SPTLC3: variants seen among roughly 807,000 people sequenced by gnomAD.
The protein encoded by SPTLC3 is serine palmitoyltransferase long chain base subunit 3, also known as serine palmitoyltransferase 3.
SPTLC3 carries 36 observed loss-of-function variants against 59.3 expected under a neutral mutation model. That is an observed-to-expected ratio of 0.61 (90% CI 0.47 to 0.80). The LOEUF (loss-of-function observed/expected upper bound fraction) is 0.80, where lower values mean the gene tolerates loss of function less well. Among genes scored for constraint, SPTLC3 ranks in the 30% least tolerant of loss-of-function variants. The pLI, the probability that SPTLC3 is intolerant of heterozygous loss-of-function variation, is 0.00. For missense variants in SPTLC3, 625 were observed against 685.1 expected (o/e 0.91, Z 0.98); for synonymous variants, 257 against 240.8 (o/e 1.07, Z -0.62).
chr20:13,090,991 C>T, intron 4 of SPTLC3, 92 bp from the exon 5 acceptor site: 2 of 1,532,402 alleles, frequency 1.3e-6, no homozygotes, highest in Non-Finnish European at 1.8e-6. Context: ...TTGTATAGGT[C>T]TTTTGGTGAT....
intron 4 of SPTLC3, among the ~76,000 whole-genome samples, chr20:13,089,111 A>G (rs1989113648): frequency 6.6e-6 from 1 of 152,242 alleles, no homozygotes. Context: ...ATTTTAGCAC[A>G]GTAAGAAAAT....
intron 2 of SPTLC3, among the ~76,000 whole-genome samples, chr20:13,066,143 CGTAA>C (rs1292095821): frequency 1.4e-4 from 21 of 152,344 alleles, no homozygotes; most frequent in African/African-American, 5.0e-4. Flanking sequence ...AGATTTCACA[CGTAA>C]GTGAGATCAT....
At chr20:13,048,789 A>G (rs3789353) in intron 1 of SPTLC3, among the ~76,000 whole-genome samples, 156 bp from the exon 2 acceptor site, 94,034 of 152,032 alleles carry the variant, frequency 0.62, 29,518 homozygotes, top group Admixed American at 0.67. Flanking sequence ...TAAAGTTTGC[A>G]TTTTTGATTA....
Position 13,110,164 on chromosome 20 carries a change from T to C in SPTLC3, c.879T>C (p.Pro293=). 6.2e-7 allele frequency: 1 copy of C among 1,613,662 alleles called. No homozygotes were observed. Among genetic ancestry groups the C allele is most frequent in the Non-Finnish European group, 8.5e-7 (1 of 1,179,756 alleles). Residue 293 remains proline, a synonymous_variant, in exon 7 of 12, where the codon CCT becomes CCC. Transcript: ENST00000399002. The stretch of plus-strand genomic sequence containing the variant: ...GAGATGCTGTCATCTATGGCCAGCC[T>C]CGAACCCGCAGAGCTTGGAAAAAGA... ...LLRDAVIYGQ[P]RTRRAWKKIL...
intron 2 of SPTLC3, among the ~76,000 whole-genome samples, chr20:13,054,438 G>A (rs568945578): frequency 1.3e-5 from 2 of 152,144 alleles, no homozygotes; most frequent in Non-Finnish European, 2.9e-5. Context: ...AGAGGTTGAT[G>A]CAGATATACA....
intron 9 of SPTLC3, among the ~76,000 whole-genome samples, chr20:13,129,204 G>A (rs12480507): frequency 0.24 from 37,044 of 151,944 alleles, 4,737 homozygotes; most frequent in South Asian, 0.43. Flanking sequence ...GTTTCACCAC[G>A]TTGGCCATGC....
intron 4 of SPTLC3, among the ~76,000 whole-genome samples, chr20:13,084,725 TAAG>T (rs1405179209): frequency 6.6e-6 from 1 of 152,132 alleles, no homozygotes; most frequent in Non-Finnish European, 1.5e-5. Flanking sequence ...ATTAGTAAAA[TAAG>T]GATACAGTTG....
intron 1 of SPTLC3, among the ~76,000 whole-genome samples, chr20:13,030,088 G>A (rs574816847): frequency 6.6e-6 from 1 of 152,272 alleles, no homozygotes; most frequent in African/African-American, 2.4e-5. Context: ...TTCAGTCCAC[G>A]GAGCTCAGCC....
intron 1 of SPTLC3, among the ~76,000 whole-genome samples, chr20:13,011,576 C>T (rs1343772967): frequency 6.6e-6 from 1 of 152,128 alleles, no homozygotes; most frequent in Non-Finnish European, 1.5e-5. Context: ...CTCATGAGTC[C>T]TCCTTCCCCC....
intron 9 of SPTLC3, among the ~76,000 whole-genome samples, chr20:13,130,248 C>G (rs1235963485): frequency 3.3e-5 from 5 of 152,200 alleles, no homozygotes; most frequent in Admixed American, 2.0e-4. Context: ...TAGACTCACT[C>G]TCAGGGTAAA....
chr20:13,051,467 C>A (rs4504059), intron 2 of SPTLC3, among the ~76,000 whole-genome samples: 2 of 152,250 alleles, frequency 1.3e-5, no homozygotes, highest in East Asian at 3.8e-4. Context: ...AGAAATGAGA[C>A]AGACAGCAAC....
chr20:13,128,921 A>C (rs1054626990), intron 9 of SPTLC3, among the ~76,000 whole-genome samples: 1 of 148,506 alleles, frequency 6.7e-6, no homozygotes, highest in Non-Finnish European at 1.5e-5. Flanking sequence ...TTGTCACCCA[A>C]GCTGGAGTAC....
chr20:13,024,101 C>T (rs1000408952), intron 1 of SPTLC3, among the ~76,000 whole-genome samples: 2 of 152,170 alleles, frequency 1.3e-5, no homozygotes, highest in Non-Finnish European at 2.9e-5. Flanking sequence ...AAACCAACTC[C>T]GTTGACCCTC....
chr20:13,115,743 C>A (rs899561837), intron 7 of SPTLC3, among the ~76,000 whole-genome samples: 3 of 152,112 alleles, frequency 2.0e-5, no homozygotes, highest in Non-Finnish European at 2.9e-5. Context: ...CTAAGCTCCT[C>A]CTCCTGAGGG....
At chr20:13,111,059 T>C (rs1044122741) in intron 7 of SPTLC3, among the ~76,000 whole-genome samples, 1 of 152,114 alleles carries the variant, frequency 6.6e-6, no homozygotes, top group Non-Finnish European at 1.5e-5. Flanking sequence ...TGTGCCTTTA[T>C]TCCTTTTAAG....
chr20:13,153,798 C>T (rs951438531), intron 9 of SPTLC3, among the ~76,000 whole-genome samples: 47 of 152,192 alleles, frequency 3.1e-4, no homozygotes, highest in Admixed American at 2.7e-3. Context: ...CCCTCCACCT[C>T]CCTTCCTGCC....
intron 2 of SPTLC3, among the ~76,000 whole-genome samples, chr20:13,063,622 T>A (rs1419299203): frequency 4.0e-5 from 6 of 149,532 alleles, no homozygotes; most frequent in South Asian, 4.2e-4. Context: ...GACTATTTTT[T>A]AAATTTTTTT....
At chr20:13,153,322 T>C (rs1390023800) in intron 9 of SPTLC3, among the ~76,000 whole-genome samples, 1 of 152,164 alleles carries the variant, frequency 6.6e-6, no homozygotes, top group Non-Finnish European at 1.5e-5. Context: ...GAAGCACCAA[T>C]AACCTTGACA....
chr20:13,059,982 C>T (rs994311401), intron 2 of SPTLC3, among the ~76,000 whole-genome samples: 2 of 152,180 alleles, frequency 1.3e-5, no homozygotes, highest in Non-Finnish European at 2.9e-5. Flanking sequence ...GGCCTCTAGT[C>T]ACTGACTGTT....
Sources: allele counts gnomAD v4.1 joint callset (sites outside exome capture counted in the v4.1 genomes callset), GRCh38; gene constraint gnomAD v4.1.1; transcripts MANE v1.5; gene names NCBI Gene and HGNC (gene_info 2026-07-23, HGNC 2026-07-21).